The following ZDHHC15 variants were observed in gnomAD, a reference collection of about 807,000 sequenced individuals.
The protein encoded by ZDHHC15 is palmitoyltransferase ZDHHC15.
Under a neutral mutation model 31.7 loss-of-function variants are expected in ZDHHC15, and 19 were observed. The observed-to-expected ratio is 0.60, with a 90% CI of 0.42 to 0.88. The LOEUF (loss-of-function observed/expected upper bound fraction) is 0.88, where lower values mean the gene tolerates loss of function less well. Ranked by LOEUF, ZDHHC15 falls within the 40% of genes least tolerant of loss-of-function variation. The pLI is 0.00. For synonymous variants in ZDHHC15, 103 were observed against 90.0 expected (o/e 1.14, Z -0.82); for missense variants, 209 against 251.2 (o/e 0.83, Z 1.14).
intron 10 of ZDHHC15, among the ~76,000 whole-genome samples, chrX:75,415,032 C>A (rs1032360131): frequency 9.1e-6 from 1 of 110,279 alleles, no homozygotes; most frequent in Non-Finnish European, 1.9e-5. Context: ...CCTCAGCCTC[C>A]CAAAGTGCTG....
At chrX:75,517,451 G>C (rs1338439475) in intron 1 of ZDHHC15, among the ~76,000 whole-genome samples, 2 of 108,847 alleles carry the variant, frequency 1.8e-5, no homozygotes, top group Non-Finnish European at 3.8e-5. Flanking sequence ...CATGGATGAA[G>C]CTGGAAACCA....
chrX:75,480,903 C>G (rs1602700800), intron 2 of ZDHHC15, among the ~76,000 whole-genome samples: 1 of 111,244 alleles, frequency 9.0e-6, no homozygotes, highest in Non-Finnish European at 1.9e-5. Flanking sequence ...GTAGATACTG[C>G]CAAACTGCCA....
At chrX:75,469,698 T>C (rs2084471728) in intron 3 of ZDHHC15, among the ~76,000 whole-genome samples, 2 of 112,039 alleles carry the variant, frequency 1.8e-5, no homozygotes, top group Admixed American at 1.9e-4. Flanking sequence ...TACAGCCATC[T>C]CTTTGAGACC....
chrX:75,379,029 G>C (rs2083088116), intron 11 of ZDHHC15, 91 bp downstream of exon 11: 1 of 681,268 alleles, frequency 1.5e-6, no homozygotes, highest in Non-Finnish European at 2.2e-6. Flanking sequence ...TTTCACCCAG[G>C]ATAAGAACTT....
At chrX:75,505,639 G>C (rs1485834386) in intron 2 of ZDHHC15, among the ~76,000 whole-genome samples, 182 bp downstream of exon 2, 2 of 110,851 alleles carry the variant, frequency 1.8e-5, no homozygotes, top group Non-Finnish European at 3.8e-5. Flanking sequence ...CAGCCAAAGG[G>C]GACACTGAAA....
chrX:75,483,325 G>T (rs1466791033), intron 2 of ZDHHC15, among the ~76,000 whole-genome samples: 2 of 110,340 alleles, frequency 1.8e-5, no homozygotes, highest in African/African-American at 6.6e-5. Context: ...GGCCAGGCGT[G>T]GTGGTTCACA....
At chrX:75,393,753 A>G (rs987516351) in intron 10 of ZDHHC15, among the ~76,000 whole-genome samples, 1 of 111,618 alleles carries the variant, frequency 9.0e-6, no homozygotes, top group African/African-American at 3.3e-5. Context: ...TCTCTAGAGA[A>G]ACAGAACTAA....
chrX:75,470,215 C>T (rs1213981125), intron 3 of ZDHHC15, among the ~76,000 whole-genome samples: 1 of 111,579 alleles, frequency 9.0e-6, no homozygotes, highest in Non-Finnish European at 1.9e-5. Context: ...CGCGAAAAGA[C>T]TAGACTGCCT....
chrX:75,455,543 C>T (rs2147923072), intron 3 of ZDHHC15, among the ~76,000 whole-genome samples: 1 of 111,951 alleles, frequency 8.9e-6, no homozygotes, highest in East Asian at 2.8e-4. Context: ...TAAAGAGCTT[C>T]TGCAGACAAA....
chrX:75,429,267 A>C (rs1176082345), intron 6 of ZDHHC15, 69 bp from the exon 7 acceptor site: 2 of 1,107,115 alleles, frequency 1.8e-6, no homozygotes, highest in Admixed American at 5.8e-5. Context: ...ACATAAGTGA[A>C]CTAAGCAATG....
At position 75,377,263 on chromosome X, in the gene ZDHHC15, G is replaced by A. The variant is rs190326182; in HGVS notation, c.*32+1857C>T. 7.2e-5 allele frequency among the ~76,000 whole-genome samples: 8 copies of A among 110,988 alleles called. No individual in the cohort carries two copies. In the South Asian group the frequency reaches 1.5e-3, roughly 21 times the overall value. On this transcript the variant is annotated intron_variant, in intron 11 of 11. Transcript: ENST00000373367. ...GCTAATCCCAACACTTTGGGAGGCC[G>A]AGGTGGGCAGATCACTTGAGGTCAG...
chrX:75,487,875 C>T (rs2084803373), intron 2 of ZDHHC15, among the ~76,000 whole-genome samples: 2 of 111,664 alleles, frequency 1.8e-5, no homozygotes, highest in South Asian at 7.4e-4. Context: ...TAAAGAATTG[C>T]AAAATACACT....
chrX:75,415,975 A>G (rs1444365848), intron 10 of ZDHHC15, among the ~76,000 whole-genome samples: 2 of 112,372 alleles, frequency 1.8e-5, no homozygotes, highest in East Asian at 5.6e-4. Flanking sequence ...GAGTTGTTAT[A>G]ACTTGTGACT....
At position 75,396,972 on chromosome X, in the gene ZDHHC15, G is replaced by A. The variant is rs374670753; in HGVS notation, c.968-17774C>T. On this transcript the variant is annotated intron_variant, in intron 10 of 11. Transcript: ENST00000373367. ...AATTGATGGAGATAGAGGGTATAATGATGGTAACCAGAGGCTGGGAATGGT... is the reference window on the plus strand; with the variant it reads ...AATTGATGGAGATAGAGGGTATAATAATGGTAACCAGAGGCTGGGAATGGT... Among the ~76,000 whole-genome samples the A allele has an allele frequency of 9.0e-5, 10 of 111,094 alleles. No individual in the cohort carries two copies. In the East Asian group the frequency reaches 2.0e-3, roughly 22 times the overall value.
At chrX:75,479,960 T>G (rs905595167) in intron 2 of ZDHHC15, among the ~76,000 whole-genome samples, 2 of 111,758 alleles carry the variant, frequency 1.8e-5, no homozygotes, top group Non-Finnish European at 3.8e-5. Flanking sequence ...TCATACCCTT[T>G]GCCTTTTAGA....
intron 11 of ZDHHC15, among the ~76,000 whole-genome samples, chrX:75,376,376 C>A (rs896184258): frequency 8.5e-5 from 9 of 106,160 alleles, no homozygotes; most frequent in African/African-American, 2.7e-4. Context: ...CTGATAATTT[C>A]TTTTGCTGTG....
chrX:75,414,371 T>C (rs912329642), intron 10 of ZDHHC15, among the ~76,000 whole-genome samples: 1 of 109,802 alleles, frequency 9.1e-6, no homozygotes, highest in Non-Finnish European at 1.9e-5. Flanking sequence ...CTTTATGTAG[T>C]TCCTGACTGT....
At chrX:75,443,417 G>C (rs888998023) in intron 4 of ZDHHC15, among the ~76,000 whole-genome samples, 4 of 111,914 alleles carry the variant, frequency 3.6e-5, no homozygotes, top group African/African-American at 6.5e-5. Context: ...CTAGCCATAT[G>C]TAGAAAGCTG....
intron 10 of ZDHHC15, among the ~76,000 whole-genome samples, chrX:75,382,881 A>G (rs1462277160): frequency 8.9e-6 from 1 of 111,878 alleles, no homozygotes; most frequent in African/African-American, 3.3e-5. Flanking sequence ...AGATCATGGA[A>G]TTTAAACAGG....
Sources: gnomAD v4.1 joint callset for allele counts (sites outside exome capture counted in the v4.1 genomes callset) on GRCh38, gnomAD v4.1.1 for gene constraint, MANE v1.5 for transcripts, NCBI Gene and HGNC (gene_info 2026-07-23, HGNC 2026-07-21) for gene names.